HTR4: variants seen among roughly 807,000 people sequenced by gnomAD.
HTR4 encodes 5-hydroxytryptamine (serotonin) receptor 4, G protein-coupled.
A neutral mutation model predicts 36.8 loss-of-function variants in HTR4; 16 were observed. That is an observed-to-expected ratio of 0.43 (90% CI 0.29 to 0.66). The LOEUF (loss-of-function observed/expected upper bound fraction) is 0.66, where lower values mean the gene tolerates loss of function less well. Ranked by LOEUF, HTR4 falls within the 30% of genes least tolerant of loss-of-function variation. The pLI is 0.13. For missense variants in HTR4, 438 were observed against 490.9 expected, an observed-to-expected ratio of 0.89 and a Z score of 1.02; for synonymous variants, 189 against 185.1, an observed-to-expected ratio of 1.02 and a Z score of -0.17.
In HTR4 at chr5:148,454,196, C is replaced by T. The variant is rs184871140; in HGVS notation, c.1077-2924G>A. ...ACTTATTTAATCTCTCTATGCATCA[C>T]TTTCTATACCTCTGTAACTGAGGTT... is the stretch of plus-strand genomic sequence containing the variant. On this transcript the variant is annotated intron_variant, in intron 5 of 5. Transcript: ENST00000521530. 8.1e-3 allele frequency among the ~76,000 whole-genome samples: 1,234 copies of T among 152,302 alleles called. 21 individuals carry two copies. Among genetic ancestry groups the T allele is most frequent in the African/African-American group, 0.028 (1,181 of 41,562 alleles).
chr5:148,628,190 C>A (rs1753190823), intron 2 of HTR4, among the ~76,000 whole-genome samples: 1 of 152,198 alleles, frequency 6.6e-6, no homozygotes. Context: ...AGACCTTTTG[C>A]CACATAGAAA....
Position 148,617,883 on chromosome 5 carries a change from G to A in HTR4, c.26+19106C>T, listed in dbSNP as rs192275073. Among the ~76,000 whole-genome samples, 12 of 152,202 alleles carry A rather than the reference G, an allele frequency of 7.9e-5. No homozygotes were observed. The East Asian group carries it at 1.9e-3, about 25-fold the overall frequency. On this transcript the variant is annotated intron_variant, in intron 2 of 6. Coordinates refer to ENST00000377888, the MANE Select transcript of HTR4 (RefSeq NM_000870.7). Reference sequence around the variant, plus strand: ...CAAGCAAAAGGCAAAGTATGGCTGCGATGCTAAAAGTTGCAGTAGGAGAGG... The same window carrying A: ...CAAGCAAAAGGCAAAGTATGGCTGCAATGCTAAAAGTTGCAGTAGGAGAGG...
intron 2 of HTR4, among the ~76,000 whole-genome samples, chr5:148,588,314 A>G (rs1435152474): frequency 1.3e-5 from 2 of 152,316 alleles, no homozygotes; most frequent in East Asian, 1.9e-4. Context: ...AAAATATTAC[A>G]TAATGTTGAG....
rs1048325657 is a variant in HTR4 at position 148,625,212 on chromosome 5, C to T, written c.26+11777G>A. ...TCAAAAAGGTGTTTGGAGATGATGCCAATCATGCAGAAAAGAGGTGAAGCC... is the reference window on the plus strand; with the variant it reads ...TCAAAAAGGTGTTTGGAGATGATGCTAATCATGCAGAAAAGAGGTGAAGCC... On this transcript the variant is annotated intron_variant, in intron 2 of 6. Transcript: ENST00000377888. Among the ~76,000 whole-genome samples, 9 of 152,144 alleles carry T rather than the reference C, an allele frequency of 5.9e-5. No individual in the cohort carries two copies. In the Middle Eastern group the frequency reaches 0.01, roughly 172 times the overall value.
intron 6 of HTR4, among the ~76,000 whole-genome samples, chr5:148,502,266 C>T (rs1218673133): frequency 1.3e-5 from 2 of 152,144 alleles, no homozygotes; most frequent in Non-Finnish European, 2.9e-5. Flanking sequence ...CAGACTGATA[C>T]CTCACACAGC....
chr5:148,575,751 C>T (rs772725465), intron 2 of HTR4, among the ~76,000 whole-genome samples: 1 of 151,812 alleles, frequency 6.6e-6, no homozygotes, highest in Non-Finnish European at 1.5e-5. Context: ...ATAAACTAAA[C>T]ATATCAATAT....
In HTR4 at chr5:148,617,356, C is replaced by G. The variant is rs549978273; in HGVS notation, c.26+19633G>C. Among the ~76,000 whole-genome samples the G allele has an allele frequency of 2.0e-5, 3 of 152,316 alleles. No homozygotes were observed. The East Asian group carries it at 5.8e-4, about 29-fold the overall frequency. On this transcript the variant is annotated intron_variant, in intron 2 of 6. Transcript: ENST00000377888. The stretch of plus-strand genomic sequence containing the variant: ...TTGTACAGACTACCCAACCATGAGC[C>G]AACTAAACCTCTTTTGTTTATAAAT...
At chr5:148,480,672 G>T (rs1325797899), downstream of HTR4, among the ~76,000 whole-genome samples, 1 of 152,136 alleles carries the variant, frequency 6.6e-6, no homozygotes, top group Non-Finnish European at 1.5e-5. Flanking sequence ...TACCCAAGGG[G>T]TGCTCCTAGA....
At chr5:148,457,305 C>T (rs1755123057) in intron 5 of HTR4, among the ~76,000 whole-genome samples, 1 of 152,178 alleles carries the variant, frequency 6.6e-6, no homozygotes, top group Non-Finnish European at 1.5e-5. Flanking sequence ...TCTCAAGCAA[C>T]AGCAATGCAA....
chr5:148,516,782 T>C (rs1462311413), intron 5 of HTR4, among the ~76,000 whole-genome samples: 1 of 152,146 alleles, frequency 6.6e-6, no homozygotes, highest in Non-Finnish European at 1.5e-5. Context: ...ACATTGTGTA[T>C]AAAAAAGTAC....
At chr5:148,536,876 G>A (rs968381561) in intron 4 of HTR4, among the ~76,000 whole-genome samples, 2 of 152,030 alleles carry the variant, frequency 1.3e-5, no homozygotes, top group Admixed American at 6.6e-5. Flanking sequence ...ACTCAACATT[G>A]ACCAAATGGA....
chr5:148,582,444 TCCTTCATCCCC>T (rs777169592), intron 2 of HTR4, among the ~76,000 whole-genome samples: 1 of 151,888 alleles, frequency 6.6e-6, no homozygotes, highest in Non-Finnish European at 1.5e-5. Flanking sequence ...AACCTTGTCC[TCCTTCATCCCC>T]CCTTCATCCC....
intron 4 of HTR4, among the ~76,000 whole-genome samples, chr5:148,546,301 T>G (rs553353964): frequency 6.6e-6 from 1 of 152,300 alleles, no homozygotes; most frequent in South Asian, 2.1e-4. Context: ...TATACCTAAC[T>G]GTAGTCATAT....
chr5:148,550,748 C>A (rs1308697204), intron 2 of HTR4, among the ~76,000 whole-genome samples: 11 of 152,168 alleles, frequency 7.2e-5, no homozygotes, highest in Non-Finnish European at 1.5e-5. Context: ...ATGAACCAAG[C>A]ATGCAACCAC....
At chr5:148,558,721 A>T (rs1489958633) in intron 2 of HTR4, among the ~76,000 whole-genome samples, 1 of 152,004 alleles carries the variant, frequency 6.6e-6, no homozygotes, top group East Asian at 1.9e-4. Flanking sequence ...CCCCCACTCT[A>T]TTTCTTAAAA....
At chr5:148,605,256 CTTTTTTT>C (rs869039969) in intron 2 of HTR4, among the ~76,000 whole-genome samples, 1 of 42,650 alleles carries the variant, frequency 2.3e-5, no homozygotes, top group Non-Finnish European at 4.2e-5. Flanking sequence ...CTTTTCTTTT[CTTTTTTT>C]TTTTTTTTTT....
chr5:148,560,025 G>T (rs993001849), intron 2 of HTR4, among the ~76,000 whole-genome samples: 3 of 151,906 alleles, frequency 2.0e-5, no homozygotes, highest in African/African-American at 7.3e-5. Flanking sequence ...TTCTAGGTGT[G>T]TTCTAGATGT....
At chr5:148,643,261 T>C (rs1462642825) in intron 1 of HTR4, among the ~76,000 whole-genome samples, 1 of 152,158 alleles carries the variant, frequency 6.6e-6, no homozygotes. Flanking sequence ...GTCAAAAAAC[T>C]ATTATATAAA....
At position 148,481,811 on chromosome 5, in the gene HTR4, C is replaced by A; in HGVS notation, c.*1392G>T. On this transcript the variant is annotated 3_prime_UTR_variant, in exon 7 of 7. Coordinates refer to ENST00000377888, the MANE Select transcript of HTR4 (RefSeq NM_000870.7). ...TTCTGCTATGGGGCATTCGCAAGAGCCACTGACTCAGCTTTGAATAAAAGA... is the reference window on the plus strand; with the variant it reads ...TTCTGCTATGGGGCATTCGCAAGAGACACTGACTCAGCTTTGAATAAAAGA... The A allele has an allele frequency of 1.5e-6, 2 of 1,348,028 alleles. No individual in the cohort carries two copies. Among genetic ancestry groups the A allele is most frequent in the Admixed American group, 3.4e-5 (1 of 29,474 alleles). 83.5% of individuals were successfully genotyped at this position (1,348,028 alleles called of 1,614,324 possible).
Sources: gnomAD v4.1 joint callset for allele counts (sites outside exome capture counted in the v4.1 genomes callset) on GRCh38, gnomAD v4.1.1 for gene constraint, MANE v1.5 for transcripts, NCBI Gene and HGNC (gene_info 2026-07-23, HGNC 2026-07-21) for gene names.